Variants in RAD51B observed in about 807,000 individuals in gnomAD.
The protein encoded by RAD51B is RAD51 paralog B, also known as DNA repair protein RAD51 homolog 2.
Under a neutral mutation model 42.2 loss-of-function variants are expected in RAD51B, and 38 were observed. The ratio of observed to expected loss-of-function variants is 0.90; its 90% CI spans 0.70 to 1.18. RAD51B has a LOEUF of 1.18. Ranked by LOEUF, RAD51B falls within the 50% of genes most tolerant of loss-of-function variation. The pLI, the probability that RAD51B is intolerant of heterozygous loss-of-function variation, is 0.00. For missense variants in RAD51B, 373 were observed against 400.7 expected, an observed-to-expected ratio of 0.93 and a Z score of 0.59; for synonymous variants, 154 against 145.2, an observed-to-expected ratio of 1.06 and a Z score of -0.43.
At chr14:68,191,478 G>C (rs893163861) in intron 7 of RAD51B, among the ~76,000 whole-genome samples, 1 of 152,192 alleles carries the variant, frequency 6.6e-6, no homozygotes, top group African/African-American at 2.4e-5. Context: ...TACTCTTTTA[G>C]TTTTCATCTG....
At chr14:67,843,335 C>T (rs918727415) in intron 4 of RAD51B, 1 of 143,472 alleles carries the variant, frequency 7.0e-6, no homozygotes, top group African/African-American at 2.5e-5. Context: ...TGTGTCTCTG[C>T]CAGATTTTGG....
chr14:68,397,907 C>A (rs1018195332), intron 8 of RAD51B, among the ~76,000 whole-genome samples: 1 of 152,204 alleles, frequency 6.6e-6, no homozygotes. Flanking sequence ...CTTCCCCCAC[C>A]CCCTTCTCAG....
At chr14:68,027,385 C>T (rs529939139) in intron 7 of RAD51B, among the ~76,000 whole-genome samples, 11 of 152,176 alleles carry the variant, frequency 7.2e-5, no homozygotes, top group South Asian at 2.1e-4. Context: ...TACATGTCAA[C>T]GTGAGATTAG....
At chr14:67,831,921 T>A (rs900506118) in intron 3 of RAD51B, among the ~76,000 whole-genome samples, 1 of 152,214 alleles carries the variant, frequency 6.6e-6, no homozygotes, top group Non-Finnish European at 1.5e-5. Flanking sequence ...GCTTTAATTT[T>A]GACAGATTGG....
At position 68,396,342 on chromosome 14, in the gene RAD51B, G is replaced by A. The variant is rs191895768; in HGVS notation, c.854-15082G>A. Reference sequence around the variant, plus strand: ...ATTACAGATGAAAACATGGGCTAACGGGTTTTCTGCAGGGCTCTTCTTAGT... The same window carrying A: ...ATTACAGATGAAAACATGGGCTAACAGGTTTTCTGCAGGGCTCTTCTTAGT... On this transcript the variant is annotated intron_variant, in intron 8 of 10. Coordinates refer to ENST00000471583, the MANE Select transcript of RAD51B (RefSeq NM_133510.4). 4.2e-3 allele frequency among the ~76,000 whole-genome samples: 640 copies of A among 152,240 alleles called. 2 individuals are homozygous for A. The highest frequency in any genetic ancestry group is 0.014 in the African/African-American group (601 of 41,540).
At chr14:68,468,905 G>T (rs2086052280) in intron 10 of RAD51B, among the ~76,000 whole-genome samples, 1 of 152,208 alleles carries the variant, frequency 6.6e-6, no homozygotes, top group Non-Finnish European at 1.5e-5. Context: ...ATTCTCAGAT[G>T]CTAGATACGC....
At chr14:68,005,129 C>T (rs1453257755) in intron 7 of RAD51B, among the ~76,000 whole-genome samples, 2 of 141,182 alleles carry the variant, frequency 1.4e-5, no homozygotes, top group African/African-American at 5.4e-5. Context: ...TCTCAGCTCA[C>T]TGCAACCTCC....
At chr14:68,083,467 A>G (rs1311920223) in intron 7 of RAD51B, among the ~76,000 whole-genome samples, 2 of 152,184 alleles carry the variant, frequency 1.3e-5, no homozygotes, top group African/African-American at 2.4e-5. Context: ...AGGTTTTGAT[A>G]CTCGATCACT....
intron 10 of RAD51B, among the ~76,000 whole-genome samples, chr14:68,493,921 A>G (rs919852786): frequency 4.6e-5 from 7 of 152,154 alleles, no homozygotes; most frequent in African/African-American, 1.7e-4. Context: ...GACTCTCTCT[A>G]TAGGTTTCAT....
chr14:68,435,775 G>A (rs866516587), intron 9 of RAD51B, among the ~76,000 whole-genome samples: 16 of 152,044 alleles, frequency 1.1e-4, no homozygotes, highest in African/African-American at 3.1e-4. Context: ...CTGATGATTA[G>A]TAATTTTGAG....
At chr14:68,608,403 G>A (rs1891540763) in intron 10 of RAD51B, among the ~76,000 whole-genome samples, 2 of 152,180 alleles carry the variant, frequency 1.3e-5, no homozygotes, top group South Asian at 4.1e-4. Flanking sequence ...TCCCTGGCTT[G>A]GGAGCACGCA....
At chr14:68,015,421 A>G (rs573634131) in intron 7 of RAD51B, among the ~76,000 whole-genome samples, 9 of 152,346 alleles carry the variant, frequency 5.9e-5, no homozygotes, top group African/African-American at 2.2e-4. Flanking sequence ...TAATAAAGAC[A>G]TACCTAAGAC....
chr14:68,160,262 C>G (rs1392646437), intron 7 of RAD51B, among the ~76,000 whole-genome samples: 1 of 152,136 alleles, frequency 6.6e-6, no homozygotes, highest in Non-Finnish European at 1.5e-5. Context: ...TGGTATAGAT[C>G]TTTCCATTTA....
chr14:68,469,393 A>G (rs2086066139), intron 10 of RAD51B, among the ~76,000 whole-genome samples: 1 of 152,194 alleles, frequency 6.6e-6, no homozygotes, highest in Non-Finnish European at 1.5e-5. Context: ...ATGGACTCAC[A>G]AAGCGGCATG....
At chr14:68,431,247 T>C (rs1389629199) in intron 9 of RAD51B, among the ~76,000 whole-genome samples, 1 of 151,966 alleles carries the variant, frequency 6.6e-6, no homozygotes, top group Admixed American at 6.6e-5. Context: ...CTTTGGTATG[T>C]GGATGATGCT....
At chr14:68,291,102 C>A (rs2081508520) in intron 7 of RAD51B, among the ~76,000 whole-genome samples, 1 of 152,068 alleles carries the variant, frequency 6.6e-6, no homozygotes, top group African/African-American at 2.4e-5. Flanking sequence ...GCCACTGTGC[C>A]TGTCCCCAAA....
intron 9 of RAD51B, among the ~76,000 whole-genome samples, chr14:68,457,918 AATT>A (rs995922840): frequency 1.3e-5 from 2 of 150,982 alleles, no homozygotes; most frequent in African/African-American, 4.9e-5. Context: ...CAGCCCTAGG[AATT>A]ATTAACACTT....
At chr14:68,127,489 G>A (rs931032334) in intron 7 of RAD51B, among the ~76,000 whole-genome samples, 3 of 152,164 alleles carry the variant, frequency 2.0e-5, no homozygotes, top group African/African-American at 7.2e-5. Context: ...TTGAATGAAT[G>A]TTGGATTTAT....
chr14:68,128,083 G>A (rs533339111), intron 7 of RAD51B, among the ~76,000 whole-genome samples: 4 of 152,256 alleles, frequency 2.6e-5, no homozygotes, highest in Non-Finnish European at 5.9e-5. Flanking sequence ...TCTTTTTACC[G>A]CTTGGGAAGT....
Sources: gnomAD v4.1 joint callset for allele counts (sites outside exome capture counted in the v4.1 genomes callset) on GRCh38, gnomAD v4.1.1 for gene constraint, MANE v1.5 for transcripts, NCBI Gene and HGNC (gene_info 2026-07-23, HGNC 2026-07-21) for gene names.